Variants in EXT2 observed in about 807,000 individuals in gnomAD.
The protein encoded by EXT2 is exostosin-2.
In EXT2, 53 loss-of-function variants were observed where a neutral mutation model predicts 81.6. That is an observed-to-expected ratio of 0.65 (90% CI 0.52 to 0.82). EXT2 has a LOEUF of 0.82. EXT2 is among the 40% of genes least tolerant of loss of function. The probability of loss-of-function intolerance (pLI) is 0.00; values close to 1 mark genes in which losing one functional copy is unlikely to be tolerated. For missense variants in EXT2, 774 were observed against 910.2 expected, an observed-to-expected ratio of 0.85 and a Z score of 1.93; for synonymous variants, 320 against 340.0, an observed-to-expected ratio of 0.94 and a Z score of 0.65.
chr11:44,232,504 G>A lies in EXT2; in HGVS notation c.1806+8G>A. The A allele has an allele frequency of 6.2e-7, 1 of 1,613,762 alleles. No homozygotes were observed. The stretch of plus-strand genomic sequence containing the variant: ...GCAGCTTTTTATCACAAGGTAAGGG[G>A]GCGCAGTCCTGGCAAGGTGACAAAA... On this transcript the variant is annotated splice_region_variant and intron_variant, in intron 11 of 13. Transcript: ENST00000533608.
intron 8 of EXT2, among the ~76,000 whole-genome samples, chr11:44,187,512 A>C (rs904629644): frequency 1.3e-5 from 2 of 152,202 alleles, no homozygotes; most frequent in African/African-American, 4.8e-5. Flanking sequence ...TACTTATTTC[A>C]GAGAACTATT....
At chr11:44,226,030 T>C (rs1955834827) in intron 10 of EXT2, among the ~76,000 whole-genome samples, 1 of 152,242 alleles carries the variant, frequency 6.6e-6, no homozygotes. Context: ...ATCTTCCTAG[T>C]AGTGGTAATT....
Position 44,198,095 on chromosome 11 carries a change from A to G in EXT2, c.1495+77A>G, listed in dbSNP as rs143313128. The G allele has an allele frequency of 5.2e-4, 776 of 1,478,922 alleles. 3 individuals are homozygous for G. The African/African-American group carries it at 9.4e-3, about 18-fold the overall frequency. The allele number at this position is 1,478,922 out of a possible 1,614,324, so 91.6% of individuals were successfully genotyped here. On this transcript the variant is annotated intron_variant, in intron 9 of 13. Coordinates refer to ENST00000533608, the MANE Select transcript of EXT2 (RefSeq NM_207122.2). ...TATTCACATCCTTTGTTTTAAATAA[A>G]TTTTCCTGCTTTGTCAATAGCAATA...
rs566157428 is a variant in EXT2, at chr11:44,114,366, G to C, written c.743+65G>C. ...ATCTGTGAGATGTTGATGAGGTTTA[G>C]TGTGGTGGGCATCAAAGCAACCAAT... On this transcript the variant is annotated intron_variant, in intron 4 of 13. Transcript: ENST00000533608. The C allele has an allele frequency of 2.7e-6, 4 of 1,455,220 alleles. No individual in the cohort carries two copies. The African/African-American group carries it at 5.6e-5, about 20-fold the overall frequency. The allele number at this position is 1,455,220 out of a possible 1,614,324, so 90.1% of individuals were successfully genotyped here.
intron 10 of EXT2, among the ~76,000 whole-genome samples, chr11:44,221,438 C>T (rs989345631): frequency 6.6e-6 from 1 of 152,198 alleles, no homozygotes; most frequent in East Asian, 1.9e-4. Flanking sequence ...TTCCCTCCCC[C>T]TGTTCAAAAT....
In EXT2 at chr11:44,154,557, G is replaced by A. The variant is rs562541012; in HGVS notation, c.1174-17054G>A. On this transcript the variant is annotated intron_variant, in intron 7 of 13. Transcript: ENST00000533608. ...TCATTTGTTGATGGACACTTAGGTT[G>A]CTTCCAAATCTTGGCTGTTGTGAAT... Among the ~76,000 whole-genome samples the A allele has an allele frequency of 3.3e-5, 5 of 152,246 alleles. No individual in the cohort carries two copies. The East Asian group carries it at 9.6e-4, about 29-fold the overall frequency.
At chr11:44,144,226 G>A (rs754336754) in intron 7 of EXT2, 3 of 1,590,950 alleles carry the variant, frequency 1.9e-6, no homozygotes, top group South Asian at 2.2e-5. Flanking sequence ...CTTGATTAAA[G>A]GTTTCCAATT....
At chr11:44,129,163 T>C (rs1184769888) in intron 6 of EXT2, among the ~76,000 whole-genome samples, 1 of 152,242 alleles carries the variant, frequency 6.6e-6, no homozygotes, top group Non-Finnish European at 1.5e-5. Context: ...GCCTGGCTTT[T>C]GCAGTGTTCT....
intron 7 of EXT2, among the ~76,000 whole-genome samples, chr11:44,169,723 G>C (rs1454756580): frequency 6.6e-6 from 1 of 152,032 alleles, no homozygotes. Flanking sequence ...TCAGATTTCA[G>C]ATTTTTTTTT....
intron 10 of EXT2, among the ~76,000 whole-genome samples, chr11:44,217,662 A>G (rs1450284922): frequency 1.3e-5 from 2 of 152,198 alleles, no homozygotes; most frequent in East Asian, 1.9e-4. Flanking sequence ...GTAGCAGTGT[A>G]TAGTGTTACT....
At chr11:44,208,354 C>T (rs77841236) in intron 10 of EXT2, among the ~76,000 whole-genome samples, 13,716 of 152,158 alleles carry the variant, frequency 0.09, 614 homozygotes, top group Middle Eastern at 0.17. Flanking sequence ...TAAGTATTTT[C>T]AGTTGGTCTA....
chr11:44,243,519 G>A (rs1168013426), intron 13 of EXT2, among the ~76,000 whole-genome samples: 2 of 151,764 alleles, frequency 1.3e-5, no homozygotes, highest in African/African-American at 4.8e-5. Context: ...AGAAGATTGT[G>A]CAGATTGACA....
intron 6 of EXT2, 133 bp from the exon 7 acceptor site, chr11:44,129,912 C>G: frequency 1.4e-6 from 1 of 739,144 alleles, no homozygotes; most frequent in Non-Finnish European, 2.5e-6. Flanking sequence ...AGAGATAATA[C>G]TTACCGGAAG....
chr11:44,096,606 G>A (rs965583328), intron 1 of EXT2, among the ~76,000 whole-genome samples: 1 of 152,122 alleles, frequency 6.6e-6, no homozygotes, highest in Non-Finnish European at 1.5e-5. Context: ...GTGTCGGGCC[G>A]GGGCCAGGGG....
intron 7 of EXT2, among the ~76,000 whole-genome samples, chr11:44,146,532 C>T (rs944360467): frequency 2.0e-5 from 3 of 152,186 alleles, no homozygotes; most frequent in African/African-American, 7.2e-5. Flanking sequence ...AAGAGGGGCG[C>T]TTTCACTACC....
intron 13 of EXT2, among the ~76,000 whole-genome samples, chr11:44,238,588 A>G (rs1955997978): frequency 6.6e-6 from 1 of 152,216 alleles, no homozygotes; most frequent in African/African-American, 2.4e-5. Flanking sequence ...ATATGTAACA[A>G]TGCAATTTGT....
At chr11:44,168,761 T>C (rs575227961) in intron 7 of EXT2, among the ~76,000 whole-genome samples, 284 of 152,274 alleles carry the variant, frequency 1.9e-3, no homozygotes, top group African/African-American at 6.7e-3. Flanking sequence ...CAAAAATTAT[T>C]TGGGTAAAAA....
chr11:44,103,576 T>A, intron 1 of EXT2: 1 of 398,994 alleles, frequency 2.5e-6, no homozygotes, highest in Non-Finnish European at 4.8e-6. Flanking sequence ...TTCTGAACTC[T>A]GGAATAATTT....
At chr11:44,122,853 T>G (rs1954338800) in intron 4 of EXT2, among the ~76,000 whole-genome samples, 1 of 152,246 alleles carries the variant, frequency 6.6e-6, no homozygotes, top group South Asian at 2.1e-4. Flanking sequence ...GCACTGGAAA[T>G]GGGCCTAGTG....
Sources: allele counts gnomAD v4.1 joint callset (sites outside exome capture counted in the v4.1 genomes callset), GRCh38; gene constraint gnomAD v4.1.1; transcripts MANE v1.5; gene names NCBI Gene and HGNC (gene_info 2026-07-23, HGNC 2026-07-21).